Variants in TG observed in about 807,000 individuals in gnomAD.
The protein encoded by TG is thyroglobulin.
A neutral mutation model predicts 324.7 loss-of-function variants in TG; 270 were observed. The observed-to-expected ratio is 0.83, with a 90% CI of 0.75 to 0.92. TG has a LOEUF of 0.92. TG is among the 40% of genes least tolerant of loss of function. The pLI, the probability that TG is intolerant of heterozygous loss-of-function variation, is 0.00. For missense variants in TG, 3,591 were observed against 3,456.4 expected (o/e 1.04, Z -0.98); for synonymous variants, 1,401 against 1,327.0 (o/e 1.06, Z -1.21).
At chr8:133,029,770 A>G (rs1430709145) in intron 40 of TG, 51 bp from the exon 41 acceptor site, 3 of 1,612,050 alleles carry the variant, frequency 1.9e-6, no homozygotes. Context: ...TGATTTTCAA[A>G]TCCAAGGTTG....
intron 40 of TG, 83 bp from the exon 41 acceptor site, chr8:133,029,738 A>G: frequency 1.3e-6 from 2 of 1,565,420 alleles, no homozygotes; most frequent in Admixed American, 1.7e-5. Flanking sequence ...GGCCGCATAT[A>G]TGCCTGCCAT....
At chr8:132,887,938 T>G (rs950035640) in intron 9 of TG, 46 bp from the exon 10 acceptor site, 4 of 1,546,970 alleles carry the variant, frequency 2.6e-6, no homozygotes, top group Admixed American at 1.8e-5. Context: ...CTTTCCAGTT[T>G]GTTAAATTTC....
In TG at chr8:132,997,777, A is replaced by G. The variant is rs530756575; in HGVS notation, c.6263-14124A>G. Among the ~76,000 whole-genome samples, 6 of 152,330 alleles carry G rather than the reference A, an allele frequency of 3.9e-5. No homozygotes were observed. The South Asian group carries it at 1.0e-3, about 26-fold the overall frequency. On this transcript the variant is annotated intron_variant, in intron 35 of 47. Transcript: ENST00000220616. The stretch of plus-strand genomic sequence containing the variant: ...AAGTAAGAGAACAAGATTGACAGCT[A>G]AAAAAAGAATTGTGGAACATTAGCT...
At chr8:132,922,925 T>A (rs1317594440) in intron 21 of TG, among the ~76,000 whole-genome samples, 2 of 152,082 alleles carry the variant, frequency 1.3e-5, no homozygotes, top group South Asian at 2.1e-4. Context: ...CACCCATAGA[T>A]TTAGACCATA....
intron 35 of TG, among the ~76,000 whole-genome samples, chr8:132,996,117 T>C (rs1046551504): frequency 3.3e-5 from 5 of 152,220 alleles, no homozygotes; most frequent in African/African-American, 1.2e-4. Flanking sequence ...AGTTGTGATC[T>C]TGGCCATATT....
At chr8:133,048,846 A>G in intron 41 of TG, 1 of 190,512 alleles carries the variant, frequency 5.2e-6, no homozygotes, top group Non-Finnish European at 1.1e-5. Context: ...GATCATGAAT[A>G]CTAAAATTAA....
intron 35 of TG, among the ~76,000 whole-genome samples, chr8:132,989,513 C>T (rs895055667): frequency 3.3e-5 from 5 of 152,154 alleles, no homozygotes; most frequent in African/African-American, 7.2e-5. Context: ...AGAGATGTCT[C>T]GTTACAGTTT....
At chr8:132,988,917 A>C in intron 35 of TG, 1 of 984,488 alleles carries the variant, frequency 1.0e-6, no homozygotes, top group Non-Finnish European at 1.2e-6. Flanking sequence ...GTTCATTTTC[A>C]CGTTGCTCAT....
At chr8:132,935,627 A>G in intron 24 of TG, 129 bp from the exon 25 acceptor site, 1 of 785,696 alleles carries the variant, frequency 1.3e-6, no homozygotes, top group East Asian at 2.7e-5. Context: ...TGTCTCCTCC[A>G]ATAGACCAGG....
intron 45 of TG, among the ~76,000 whole-genome samples, chr8:133,119,141 A>G (rs1410697799): frequency 6.6e-6 from 1 of 152,136 alleles, no homozygotes; most frequent in Non-Finnish European, 1.5e-5. Context: ...AAAAAGTTTC[A>G]ATGGTTTTAA....
chr8:132,883,895 G>A (rs1450932412), intron 8 of TG, among the ~76,000 whole-genome samples: 2 of 152,192 alleles, frequency 1.3e-5, no homozygotes, highest in Admixed American at 6.5e-5. Context: ...CTGGAGGTTG[G>A]AAGTCCAAAA....
chr8:132,982,853 C>A (rs151254700), intron 34 of TG, among the ~76,000 whole-genome samples: 1 of 152,310 alleles, frequency 6.6e-6, no homozygotes, highest in East Asian at 1.9e-4. Context: ...GTTTCCCACA[C>A]GTTTCGACTC....
At chr8:132,877,442 G>A (rs79236133) in intron 5 of TG, among the ~76,000 whole-genome samples, 3 of 152,024 alleles carry the variant, frequency 2.0e-5, no homozygotes, top group African/African-American at 4.8e-5. Context: ...GGTACGGCCC[G>A]CTCTTTTAAG....
chr8:133,050,057 A>C (rs564877814), intron 41 of TG: 1 of 1,010,436 alleles, frequency 9.9e-7, no homozygotes, highest in East Asian at 2.4e-5. Context: ...GAATGAACAG[A>C]GTAATCAGAT....
Position 132,933,694 on chromosome 8 carries a change from C to T in TG, c.4932+18C>T, listed in dbSNP as rs769703390. 231 of 1,609,060 alleles carry T rather than the reference C, an allele frequency of 1.4e-4. No individual in the cohort carries two copies. Among genetic ancestry groups the T allele is most frequent in the Middle Eastern group, 1.2e-3 (7 of 6,058 alleles). On this transcript the variant is annotated intron_variant, in intron 24 of 47. Coordinates refer to ENST00000220616, the MANE Select transcript of TG (RefSeq NM_003235.5). The stretch of plus-strand genomic sequence containing the variant: ...CTGACCAGGTGAGGTGGGGCAGCCA[C>T]GTGTGGTTCTGCTCCTCATCCGCTG...
At chr8:133,051,085 C>T (rs1016506370) in intron 41 of TG, among the ~76,000 whole-genome samples, 2 of 152,194 alleles carry the variant, frequency 1.3e-5, no homozygotes, top group Non-Finnish European at 2.9e-5. Flanking sequence ...GATGGCTCTG[C>T]AGGGTGTGCG....
At chr8:133,079,238 A>G (rs556371439) in intron 41 of TG, among the ~76,000 whole-genome samples, 12 of 152,350 alleles carry the variant, frequency 7.9e-5, no homozygotes, top group Non-Finnish European at 1.3e-4. Flanking sequence ...ACCCAGTACC[A>G]TCTGTGTAGG....
chr8:133,001,919 A>G, intron 35 of TG: 3 of 985,456 alleles, frequency 3.0e-6, no homozygotes, highest in Non-Finnish European at 3.6e-6. Context: ...CAATCACTTG[A>G]TGAGTGCTGA....
At chr8:132,875,009 C>G (rs111439820) in intron 5 of TG, among the ~76,000 whole-genome samples, 1 of 152,140 alleles carries the variant, frequency 6.6e-6, no homozygotes, top group Admixed American at 6.6e-5. Flanking sequence ...TGCCTTTGCC[C>G]CTGCTTAGCA....
Sources: gnomAD v4.1 joint callset for allele counts (sites outside exome capture counted in the v4.1 genomes callset) on GRCh38, gnomAD v4.1.1 for gene constraint, MANE v1.5 for transcripts, NCBI Gene and HGNC (gene_info 2026-07-23, HGNC 2026-07-21) for gene names.